NGEF: variants seen among roughly 807,000 people sequenced by gnomAD.
NGEF encodes ephexin-1.
A neutral mutation model predicts 80.9 loss-of-function variants in NGEF; 31 were observed. The ratio of observed to expected loss-of-function variants is 0.38; its 90% confidence interval spans 0.29 to 0.52. The LOEUF (loss-of-function observed/expected upper bound fraction) is 0.52, where lower values mean the gene tolerates loss of function less well. Among genes scored for constraint, NGEF ranks in the 20% least tolerant of loss-of-function variants. The pLI, the probability that NGEF is intolerant of heterozygous loss-of-function variation, is 0.84. For synonymous variants in NGEF, 371 were observed against 370.2 expected (o/e 1.00, Z -0.03); for missense variants, 709 against 926.2 (o/e 0.77, Z 3.04).
At chr2:233,004,807 G>A (rs1478924346) in intron 1 of NGEF, among the ~76,000 whole-genome samples, 1 of 152,166 alleles carries the variant, frequency 6.6e-6, no homozygotes, top group East Asian at 1.9e-4. Flanking sequence ...CCTGCTGGGG[G>A]CCTTTCTTCG....
chr2:232,985,695 G>A (rs1694519024), intron 1 of NGEF, among the ~76,000 whole-genome samples: 1 of 152,188 alleles, frequency 6.6e-6, no homozygotes, highest in Admixed American at 6.5e-5. Context: ...GGAGCTTGCA[G>A]TGAGCAGAGA....
chr2:232,900,751 TTCAC>T lies in NGEF; in HGVS notation c.829-5839_829-5836del, dbSNP rs1287123270. Among the ~76,000 whole-genome samples, 36 of 98,372 alleles carry T rather than the reference TTCAC, an allele frequency of 3.7e-4. 1 individual carries two copies. The highest frequency in any genetic ancestry group is 6.3e-3 in the Middle Eastern group (1 of 160). 64.5% of individuals were successfully genotyped at this position (98,372 alleles called of 152,430 possible). A position where few individuals can be genotyped will look rare whatever the true frequency, so the allele number is the denominator to read the frequency against. On this transcript the variant is annotated intron_variant, in intron 5 of 14. Coordinates refer to ENST00000264051, the MANE Select transcript of NGEF (RefSeq NM_019850.3). ...TCACTCATATACACGTTCACTCACA[TTCAC>T]TCACACACACACGCTCTCACACTCA... is the stretch of plus-strand genomic sequence containing the variant.
At chr2:232,911,099 T>A (rs879886226) in intron 5 of NGEF, among the ~76,000 whole-genome samples, 1 of 152,232 alleles carries the variant, frequency 6.6e-6, no homozygotes, top group African/African-American at 2.4e-5. Flanking sequence ...TTTTCTCCTA[T>A]GTTTTCCTCT....
intron 5 of NGEF, among the ~76,000 whole-genome samples, chr2:232,895,604 T>C (rs2106236250): frequency 6.6e-6 from 1 of 151,086 alleles, no homozygotes; most frequent in Middle Eastern, 3.5e-3. Context: ...GCTCTGGGTG[T>C]GCTAGTGGGT....
chr2:232,983,426 G>A (rs1430451958), intron 1 of NGEF, among the ~76,000 whole-genome samples: 2 of 151,992 alleles, frequency 1.3e-5, no homozygotes. Context: ...CCTGAGGGGT[G>A]AATGGAGACC....
chr2:232,895,436 A>G (rs1353915765), intron 5 of NGEF, among the ~76,000 whole-genome samples: 1 of 151,672 alleles, frequency 6.6e-6, no homozygotes, highest in Non-Finnish European at 1.5e-5. Context: ...CTGAGGCATG[A>G]GAATCACTTG....
intron 12 of NGEF, among the ~76,000 whole-genome samples, chr2:232,883,052 A>AAAACAC (rs1691559884): frequency 6.7e-6 from 1 of 150,268 alleles, no homozygotes; most frequent in African/African-American, 2.4e-5. Flanking sequence ...GCCCCAAGGG[A>AAAACAC]ACACACACAC....
chr2:232,979,515 C>T lies in NGEF; in HGVS notation c.-74-4551G>A, dbSNP rs559691485. ...TATAATTGCTTTGATTCGTCTATAA[C>T]GATTAACTGCCAGAAAACCCAGAAG... On this transcript the variant is annotated intron_variant, in intron 1 of 14. Coordinates refer to ENST00000264051, the MANE Select transcript of NGEF (RefSeq NM_019850.3). Among the ~76,000 whole-genome samples the T allele has an allele frequency of 9.2e-5, 14 of 152,262 alleles. No individual in the cohort carries two copies. The South Asian group carries it at 1.4e-3, about 16-fold the overall frequency.
chr2:232,994,948 A>AATACATACATATGTATTATATGTACAT (rs1694747633), intron 1 of NGEF, among the ~76,000 whole-genome samples: 2 of 139,044 alleles, frequency 1.4e-5, no homozygotes, highest in African/African-American at 2.6e-5. Flanking sequence ...ACACACATAT[A>AATACATACATATGTATTATATGTACAT]ATACATACAT....
chr2:232,997,355 G>A (rs1238683381), intron 1 of NGEF, among the ~76,000 whole-genome samples: 4 of 152,154 alleles, frequency 2.6e-5, no homozygotes, highest in Non-Finnish European at 5.9e-5. Context: ...ATCGCTAAGG[G>A]GCAGCACGCC....
intron 5 of NGEF, among the ~76,000 whole-genome samples, chr2:232,906,178 G>T (rs1575007845): frequency 4.0e-5 from 1 of 25,082 alleles, no homozygotes; most frequent in Non-Finnish European, 8.4e-5. Flanking sequence ...GGGGGGGTCA[G>T]CCCCCCGCCT....
chr2:232,999,294 A>C (rs1480026434), intron 1 of NGEF, among the ~76,000 whole-genome samples: 3 of 152,176 alleles, frequency 2.0e-5, no homozygotes, highest in Non-Finnish European at 4.4e-5. Flanking sequence ...CGGTTGTAAA[A>C]TGTATATAAT....
chr2:232,970,289 G>A lies in NGEF; in HGVS notation c.308C>T (p.Thr103Ile), dbSNP rs753343643. Residue 103 changes from threonine to isoleucine, a missense_variant, in exon 3 of 15, where the codon ACC becomes ATC. Coordinates refer to ENST00000264051, the MANE Select transcript of NGEF (RefSeq NM_019850.3). ...DNGKSVNEPL[T>I]LNIPWSRMPP... ...CATTCTGCTCCAGGGGATATTCAAG[G>A]TCAGGGGCTCATTTACAGATTTTCC... 4 of 1,604,960 alleles carry A rather than the reference G, an allele frequency of 2.5e-6. No homozygotes were observed. The highest frequency in any genetic ancestry group is 3.4e-6 in the Non-Finnish European group (4 of 1,176,976).
chr2:232,953,518 A>G (rs1167371151), intron 3 of NGEF, among the ~76,000 whole-genome samples: 2 of 150,776 alleles, frequency 1.3e-5, no homozygotes, highest in Non-Finnish European at 3.0e-5. Context: ...TTAAAAAAAA[A>G]AGAAAAAGTT....
chr2:232,925,286 A>C (rs1001574290), intron 4 of NGEF, among the ~76,000 whole-genome samples: 23 of 152,350 alleles, frequency 1.5e-4, no homozygotes, highest in African/African-American at 5.5e-4. Flanking sequence ...GGGCTGCTGC[A>C]GGGATCCGCT....
chr2:232,902,124 G>A (rs1319908490), intron 5 of NGEF, among the ~76,000 whole-genome samples: 6 of 152,176 alleles, frequency 3.9e-5, no homozygotes, highest in African/African-American at 9.7e-5. Context: ...TGCTGCAGCC[G>A]CCCTGGGGTG....
At chr2:232,956,093 G>A (rs563847747) in intron 3 of NGEF, among the ~76,000 whole-genome samples, 12 of 152,220 alleles carry the variant, frequency 7.9e-5, no homozygotes, top group African/African-American at 2.9e-4. Context: ...GGTTTCAGAC[G>A]CCGCTCCTTT....
At chr2:233,001,694 A>G (rs1694981813) in intron 1 of NGEF, among the ~76,000 whole-genome samples, 3 of 152,226 alleles carry the variant, frequency 2.0e-5, no homozygotes, top group Non-Finnish European at 4.4e-5. Flanking sequence ...AGCCTGGCCA[A>G]CGTGCGAAAC....
At chr2:232,954,674 G>A (rs899468622) in intron 3 of NGEF, among the ~76,000 whole-genome samples, 14 of 150,910 alleles carry the variant, frequency 9.3e-5, no homozygotes, top group Non-Finnish European at 2.1e-4. Context: ...GCAGTGAGCC[G>A]AGATCACGCC....
Sources: allele counts gnomAD v4.1 joint callset (sites outside exome capture counted in the v4.1 genomes callset), GRCh38; gene constraint gnomAD v4.1.1; transcripts MANE v1.5; gene names NCBI Gene and HGNC (gene_info 2026-07-23, HGNC 2026-07-21).